ATP8A2: variants seen among roughly 807,000 people sequenced by gnomAD.
The protein encoded by ATP8A2 is phospholipid-transporting ATPase IB.
In ATP8A2, 100 loss-of-function variants were observed where a neutral mutation model predicts 165.6. The observed-to-expected ratio is 0.60, with a 90% CI of 0.51 to 0.71. ATP8A2 has a LOEUF of 0.71. Ranked by LOEUF, ATP8A2 falls within the 30% of genes least tolerant of loss-of-function variation. The pLI is 0.00. For missense variants in ATP8A2, 1,227 were observed against 1,479.5 expected, an observed-to-expected ratio of 0.83 and a Z score of 2.80; for synonymous variants, 543 against 548.8, an observed-to-expected ratio of 0.99 and a Z score of 0.15.
chr13:25,405,391 A>G (rs1566108728), intron 1 of ATP8A2, among the ~76,000 whole-genome samples: 1 of 152,210 alleles, frequency 6.6e-6, no homozygotes, highest in Non-Finnish European at 1.5e-5. Context: ...TTAAATTAGA[A>G]TGCACAGACA....
chr13:25,703,747 G>A (rs1382620352), intron 25 of ATP8A2, among the ~76,000 whole-genome samples: 1 of 152,176 alleles, frequency 6.6e-6, no homozygotes, highest in Non-Finnish European at 1.5e-5. Context: ...AATCCACAGA[G>A]CCAGGAAGCA....
At chr13:25,570,213 G>A (rs933253374) in intron 16 of ATP8A2, among the ~76,000 whole-genome samples, 1 of 152,180 alleles carries the variant, frequency 6.6e-6, no homozygotes, top group African/African-American at 2.4e-5. Context: ...TAGAACAGAT[G>A]TCGGGGTGGG....
intron 1 of ATP8A2, among the ~76,000 whole-genome samples, chr13:25,454,177 G>C (rs182097235): frequency 1.3e-5 from 2 of 152,284 alleles, no homozygotes; most frequent in East Asian, 3.9e-4. Flanking sequence ...TTGGCTCCCT[G>C]TGTTGTTTGT....
At chr13:25,866,651 CACACAGACACACATAT>C (rs1345784394) in intron 33 of ATP8A2, among the ~76,000 whole-genome samples, 8 of 152,216 alleles carry the variant, frequency 5.3e-5, no homozygotes, top group South Asian at 2.1e-4. Flanking sequence ...GAGAGACACA[CACACAGACACACATAT>C]ACACAGACAC....
At chr13:25,793,818 T>C (rs899489290) in intron 27 of ATP8A2, among the ~76,000 whole-genome samples, 7 of 152,214 alleles carry the variant, frequency 4.6e-5, no homozygotes, top group Non-Finnish European at 7.3e-5. Context: ...ATTTTTCTGA[T>C]GTCATGAGTG....
intron 25 of ATP8A2, among the ~76,000 whole-genome samples, chr13:25,767,778 A>G (rs2044521948): frequency 1.3e-5 from 2 of 152,144 alleles, no homozygotes; most frequent in Non-Finnish European, 2.9e-5. Context: ...TCTAATTTTT[A>G]TCTTTGTCAC....
At chr13:25,602,958 A>G (rs537235871) in intron 24 of ATP8A2, among the ~76,000 whole-genome samples, 2 of 152,104 alleles carry the variant, frequency 1.3e-5, no homozygotes, top group East Asian at 3.9e-4. Context: ...TGTAGTCCCA[A>G]CTACTTGGGA....
chr13:25,868,280 C>T (rs1952572334), intron 33 of ATP8A2: 9 of 341,670 alleles, frequency 2.6e-5, no homozygotes, highest in South Asian at 2.0e-4. Context: ...GATAACATTC[C>T]AGAAAACACT....
intron 34 of ATP8A2, among the ~76,000 whole-genome samples, chr13:25,963,462 T>A (rs1955710182): frequency 1.3e-5 from 2 of 152,142 alleles, no homozygotes; most frequent in South Asian, 4.1e-4. Flanking sequence ...GTTCTGTTAT[T>A]TGCTCTTTCA....
chr13:25,737,869 A>G, intron 25 of ATP8A2, among the ~76,000 whole-genome samples: 1 of 152,104 alleles, frequency 6.6e-6, no homozygotes, highest in East Asian at 1.9e-4. Context: ...TATTTTTAGC[A>G]GAGACGGGGT....
chr13:25,585,652 T>C (rs1467471843), intron 23 of ATP8A2, among the ~76,000 whole-genome samples: 2 of 152,222 alleles, frequency 1.3e-5, no homozygotes, highest in East Asian at 3.8e-4. Context: ...GAGATACATA[T>C]AGATTATCTT....
intron 35 of ATP8A2, among the ~76,000 whole-genome samples, chr13:25,981,638 A>G (rs1355664227): frequency 6.6e-6 from 1 of 152,202 alleles, no homozygotes; most frequent in African/African-American, 2.4e-5. Context: ...GTATGTTCTT[A>G]TACTAATTAA....
intron 24 of ATP8A2, among the ~76,000 whole-genome samples, chr13:25,666,730 A>G (rs1180280131): frequency 2.0e-5 from 3 of 152,162 alleles, no homozygotes; most frequent in Admixed American, 1.3e-4. Flanking sequence ...TGACAACTGT[A>G]TATACATTTA....
rs545365972 is a variant in ATP8A2, at chr13:25,553,634, G to T, written c.1058-159G>T. On this transcript the variant is annotated intron_variant, in intron 11 of 36. Coordinates refer to ENST00000381655, the MANE Select transcript of ATP8A2 (RefSeq NM_016529.6). ...AGCGGATGCATCCTGCTGTGCAGTC[G>T]CATTGTGGGGCCTGTGTGCCTCCTA... Among the ~76,000 whole-genome samples, 12 of 152,300 alleles carry T rather than the reference G, an allele frequency of 7.9e-5. No individual in the cohort carries two copies. In the East Asian group the frequency reaches 2.1e-3, roughly 27 times the overall value.
intron 24 of ATP8A2, among the ~76,000 whole-genome samples, chr13:25,634,891 A>G (rs2041331476): frequency 6.6e-6 from 1 of 152,224 alleles, no homozygotes; most frequent in Non-Finnish European, 1.5e-5. Flanking sequence ...CATAGTGTTT[A>G]GCAATTGTTT....
intron 27 of ATP8A2, among the ~76,000 whole-genome samples, chr13:25,810,145 A>G (rs1431970908): frequency 6.6e-6 from 1 of 152,190 alleles, no homozygotes; most frequent in Non-Finnish European, 1.5e-5. Context: ...CCTCCATTCA[A>G]TATTGACTAC....
chr13:25,590,052 C>A (rs1299142361), intron 24 of ATP8A2, among the ~76,000 whole-genome samples: 1 of 152,124 alleles, frequency 6.6e-6, no homozygotes, highest in Admixed American at 6.5e-5. Flanking sequence ...CTATAAGTTA[C>A]TAAGGAGACA....
chr13:25,482,192 T>C (rs1436875047), intron 2 of ATP8A2, among the ~76,000 whole-genome samples: 1 of 152,172 alleles, frequency 6.6e-6, no homozygotes, highest in African/African-American at 2.4e-5. Flanking sequence ...ATTCAGTTGA[T>C]TAGGGCCCGC....
intron 18 of ATP8A2, among the ~76,000 whole-genome samples, chr13:25,571,989 T>G (rs971620216): frequency 6.6e-6 from 1 of 152,236 alleles, no homozygotes; most frequent in African/African-American, 2.4e-5. Flanking sequence ...GGAAAATAAC[T>G]TAGCGGCCCA....
Sources: gnomAD v4.1 joint callset for allele counts (sites outside exome capture counted in the v4.1 genomes callset) on GRCh38, gnomAD v4.1.1 for gene constraint, MANE v1.5 for transcripts, NCBI Gene and HGNC (gene_info 2026-07-23, HGNC 2026-07-21) for gene names.